AOX1: variants seen among roughly 807,000 people sequenced by gnomAD.
The protein encoded by AOX1 is aldehyde oxidase 1.
Under a neutral mutation model 169.5 loss-of-function variants are expected in AOX1, and 153 were observed. The observed-to-expected ratio is 0.90, with a 90% CI of 0.79 to 1.03. The LOEUF (loss-of-function observed/expected upper bound fraction) is 1.03, where lower values mean the gene tolerates loss of function less well. Among genes scored for constraint, AOX1 ranks in the 50% least tolerant of loss-of-function variants. AOX1 has a pLI of 0.00. For missense variants in AOX1, 1,656 were observed against 1,663.9 expected (o/e 1.00, Z 0.08); for synonymous variants, 562 against 581.9 (o/e 0.97, Z 0.49).
chr2:200,618,433 C>A (rs1167298445), intron 16 of AOX1, among the ~76,000 whole-genome samples: 3 of 152,052 alleles, frequency 2.0e-5, no homozygotes, highest in Non-Finnish European at 2.9e-5. Flanking sequence ...TGTCTTATAC[C>A]AAGTTAATTG....
intron 13 of AOX1, 76 bp downstream of exon 13, chr2:200,611,569 TAAGA>T: frequency 2.1e-6 from 2 of 968,544 alleles, no homozygotes; most frequent in Non-Finnish European, 3.3e-6. Flanking sequence ...TATGGTGGAA[TAAGA>T]AAAAGGGTGA....
intron 20 of AOX1, 57 bp from the exon 21 acceptor site, chr2:200,634,734 G>A: frequency 6.2e-7 from 1 of 1,603,988 alleles, no homozygotes; most frequent in South Asian, 1.1e-5. Flanking sequence ...ATACCTGGGG[G>A]ACGCTACCTG....
At chr2:200,625,072 C>A (rs1434246657) in intron 19 of AOX1, among the ~76,000 whole-genome samples, 1 of 152,076 alleles carries the variant, frequency 6.6e-6, no homozygotes, top group East Asian at 1.9e-4. Flanking sequence ...ATTTTTCTTA[C>A]ATTTTAAAAT....
rs201601639 is a variant in AOX1 at position 200,661,629 on chromosome 2, C to T, written c.3426C>T (p.Phe1142=). The change falls in exon 30 of 35, where the codon TTC becomes TTT. Residue 1142 remains phenylalanine (F), a splice_region_variant and synonymous_variant. Coordinates refer to ENST00000374700, the MANE Select transcript of AOX1 (RefSeq NM_001159.4). ...ESINLSAVGY[F]RGYESDMNWE... ...TTAACCTTTCAGCTGTTGGATACTTCAGGTAAATACTCCCTCTGATCACAT... is the reference window on the plus strand; with the variant it reads ...TTAACCTTTCAGCTGTTGGATACTTTAGGTAAATACTCCCTCTGATCACAT... The T allele has an allele frequency of 6.2e-7, 1 of 1,608,866 alleles. No homozygotes were observed. Among genetic ancestry groups the T allele is most frequent in the Non-Finnish European group, 8.5e-7 (1 of 1,175,422 alleles).
chr2:200,670,736 C>A lies in AOX1; in HGVS notation c.*57C>A. ...GCCTCTTCCCAGATGGCAATCTGTC[C>A]TATCTCTGTGCTGGAAGATGCTAGA... is the stretch of plus-strand genomic sequence containing the variant. On this transcript the variant is annotated 3_prime_UTR_variant, in exon 35 of 35. Transcript: ENST00000374700. 1 of 1,365,992 alleles carries A rather than the reference C, an allele frequency of 7.3e-7. No homozygotes were observed. Among genetic ancestry groups the A allele is most frequent in the Non-Finnish European group, 1.0e-6 (1 of 959,752 alleles). 84.6% of individuals were successfully genotyped at this position (1,365,992 alleles called of 1,614,324 possible).
At chr2:200,596,377 T>TA (rs2034285153) in intron 3 of AOX1, among the ~76,000 whole-genome samples, 1 of 152,200 alleles carries the variant, frequency 6.6e-6, no homozygotes, top group South Asian at 2.1e-4. Context: ...GCGACTACCC[T>TA]ATGCTCTGTG....
At chr2:200,666,007 T>C (rs79367668) in intron 31 of AOX1, among the ~76,000 whole-genome samples, 6,397 of 152,274 alleles carry the variant, frequency 0.042, 321 homozygotes, top group East Asian at 0.25. Flanking sequence ...GTTCAATTAG[T>C]AATTATAAGA....
At chr2:200,659,786 TCACACACACACACACACACACACACA>T (rs56916091) in intron 28 of AOX1, among the ~76,000 whole-genome samples, 183 bp from the exon 29 acceptor site, 1 of 96,104 alleles carries the variant, frequency 1.0e-5, no homozygotes, top group Non-Finnish European at 2.2e-5. Context: ...GTTCTCTCTC[TCACACACACACACACACACACACACA>T]CACACACACA....
chr2:200,656,856 T>C lies in AOX1; in HGVS notation c.3090T>C (p.Val1030=). ...TTTCTGCTCAGGCTGCTGCCTTGGT[T>C]CACATTTATCTTGATGGCTCTGTGC... The part of the protein sequence containing the change: ...SRAAGQAAAL[V]HIYLDGSVLV... The change falls in exon 27 of 35, where the codon GTT becomes GTC. Residue 1030 remains valine (V), a synonymous_variant. Transcript: ENST00000374700. 1.3e-6 allele frequency: 2 copies of C among 1,583,904 alleles called. No homozygotes were observed. The highest frequency in any genetic ancestry group is 2.4e-5 in the South Asian group (2 of 84,748).
At position 200,586,116 on chromosome 2, in the gene AOX1, G is replaced by A. The variant is rs867144952; in HGVS notation, c.8G>A (p.Arg3Gln). The A allele has an allele frequency of 6.4e-7, 1 of 1,561,588 alleles. No individual in the cohort carries two copies. Among genetic ancestry groups the A allele is most frequent in the Non-Finnish European group, 8.7e-7 (1 of 1,154,050 alleles). Residue 3 changes from arginine (R) to glutamine (Q), a missense_variant, in exon 1 of 35, where the codon CGG becomes CAG. Coordinates refer to ENST00000374700, the MANE Select transcript of AOX1 (RefSeq NM_001159.4). ...ACCAGCGCGGACACCACAATGGACC[G>A]GGCGTCCGAGCTGCTCTTCTACGTG... Reference protein sequence around the residue: MDRASELLFYVNG... With the variant: MDQASELLFYVNG...
intron 26 of AOX1, among the ~76,000 whole-genome samples, chr2:200,651,449 T>A (rs1403335412): frequency 6.6e-6 from 1 of 152,214 alleles, no homozygotes; most frequent in Non-Finnish European, 1.5e-5. Flanking sequence ...GACTGAGGTT[T>A]ACTCCTGGCC....
chr2:200,604,098 G>A lies in AOX1; in HGVS notation c.669+1G>A, dbSNP rs768088310. ...ACTGATATTTCCTCCTGAGCTAATG[G>A]TGAGTAAAGCAATGTTGAGCTCATC... is the stretch of plus-strand genomic sequence containing the variant. On this transcript the variant is annotated splice_donor_variant, in intron 8 of 34. Coordinates refer to ENST00000374700, the MANE Select transcript of AOX1 (RefSeq NM_001159.4). LOFTEE classifies it high-confidence loss of function. The A allele has an allele frequency of 2.5e-6, 4 of 1,600,796 alleles. No homozygotes were observed.
chr2:200,666,388 GAATT>G (rs1301546194), intron 31 of AOX1, among the ~76,000 whole-genome samples: 4 of 152,134 alleles, frequency 2.6e-5, no homozygotes, highest in Admixed American at 2.6e-4. Flanking sequence ...CTGTTGTAGT[GAATT>G]AAACTCAATC....
chr2:200,604,895 T>TGGGGGGGGGGGTG, intron 9 of AOX1, 55 bp downstream of exon 9: 1 of 715,262 alleles, frequency 1.4e-6, no homozygotes. Flanking sequence ...GGGCTTGGGA[T>TGGGGGGGGGGGTG]GGGGCCGGGG....
At chr2:200,675,469 TG>T (rs1333177126), downstream of AOX1, among the ~76,000 whole-genome samples, 2 of 152,178 alleles carry the variant, frequency 1.3e-5, no homozygotes, top group African/African-American at 4.8e-5. Context: ...TGCTCAGAGC[TG>T]GAGAAGGCTG....
intron 16 of AOX1, 25 bp from the exon 17 acceptor site, chr2:200,620,625 T>C (rs780958007): frequency 2.7e-6 from 4 of 1,482,998 alleles, no homozygotes; most frequent in Admixed American, 2.7e-5. Context: ...AATGTAAAAG[T>C]ATATTTTGGT....
At position 200,613,971 on chromosome 2, in the gene AOX1, A is replaced by G. The variant is rs764338755; in HGVS notation, c.1611+5A>G. On this transcript the variant is annotated splice_donor_5th_base_variant and intron_variant, in intron 15 of 34. Coordinates refer to ENST00000374700, the MANE Select transcript of AOX1 (RefSeq NM_001159.4). ...TCACAGATTTTGAAAAAGATGGTAA[A>G]CAACTGTTTACACATTAACTTCCCC... 1.3e-5 allele frequency: 21 copies of G among 1,611,606 alleles called. No homozygotes were observed. The highest frequency in any genetic ancestry group is 1.7e-5 in the Non-Finnish European group (20 of 1,179,708).
intron 18 of AOX1, 56 bp from the exon 19 acceptor site, chr2:200,623,803 TAA>T (rs2034940021): frequency 6.2e-7 from 1 of 1,609,648 alleles, no homozygotes; most frequent in Non-Finnish European, 8.5e-7. Context: ...AGAAAATGAA[TAA>T]AAGAGAGGAC....
chr2:200,595,873 G>A (rs1483179779), intron 3 of AOX1, among the ~76,000 whole-genome samples: 1 of 152,172 alleles, frequency 6.6e-6, no homozygotes, highest in Non-Finnish European at 1.5e-5. Flanking sequence ...ATCAGCCAGA[G>A]TGACCTGCTT....
Sources: allele counts gnomAD v4.1 joint callset (sites outside exome capture counted in the v4.1 genomes callset), GRCh38; gene constraint gnomAD v4.1.1; transcripts MANE v1.5; gene names NCBI Gene and HGNC (gene_info 2026-07-23, HGNC 2026-07-21).